Variants in SHOC2 observed in about 807,000 individuals in gnomAD.
SHOC2 encodes leucine-rich repeat protein SHOC-2.
In SHOC2, 4 loss-of-function variants were observed where a neutral mutation model predicts 50.2. That is an observed-to-expected ratio of 0.08 (90% CI 0.04 to 0.18). SHOC2 has a LOEUF of 0.18. SHOC2 is among the 10% of genes least tolerant of loss of function. The pLI is 1.00. For missense variants in SHOC2, 388 were observed against 669.6 expected, an observed-to-expected ratio of 0.58 and a Z score of 4.64; for synonymous variants, 218 against 244.5, an observed-to-expected ratio of 0.89 and a Z score of 1.01.
intron 7 of SHOC2, 97 bp from the exon 8 acceptor site, chr10:111,009,616 C>T: frequency 2.3e-6 from 2 of 864,280 alleles, no homozygotes; most frequent in South Asian, 2.9e-5. Flanking sequence ...TCTGGTTTCC[C>T]TGTTAATTTA....
chr10:110,972,904 A>G (rs995214339), intron 2 of SHOC2, among the ~76,000 whole-genome samples: 4 of 152,186 alleles, frequency 2.6e-5, no homozygotes, highest in African/African-American at 9.7e-5. Context: ...GGATCAAAGG[A>G]GACAGTTTAC....
intron 1 of SHOC2, among the ~76,000 whole-genome samples, chr10:110,921,628 T>G (rs530173344): frequency 6.6e-6 from 1 of 152,302 alleles, no homozygotes; most frequent in African/African-American, 2.4e-5. Flanking sequence ...ATAGTCACAT[T>G]AGAGTAAATG....
chr10:111,004,502 C>T, intron 4 of SHOC2, 104 bp from the exon 5 acceptor site: 2 of 785,750 alleles, frequency 2.5e-6, no homozygotes, highest in Non-Finnish European at 2.2e-6. Flanking sequence ...TGTCATTTGT[C>T]ACCCCCCAAA....
chr10:110,998,379 A>G (rs548548902), intron 3 of SHOC2, among the ~76,000 whole-genome samples: 5 of 148,372 alleles, frequency 3.4e-5, no homozygotes, highest in African/African-American at 7.4e-5. Context: ...AAGTCACTCA[A>G]TTTTTTTTTT....
rs1407334046 is a variant in SHOC2 at position 110,964,855 on chromosome 10, A to G, written c.497A>G (p.Asp166Gly). ...NSLTSLPDSL[D>G]NLKKLRMLDL... ...CTTACCAGTTTGCCTGACTCTCTTG[A>G]TAACTTGAAGAAGCTGCGGATGCTT... is the stretch of plus-strand genomic sequence containing the variant. Residue 166 changes from aspartate (D) to glycine (G), a missense_variant, in exon 2 of 9, where the codon GAT becomes GGT. Transcript: ENST00000369452. This position sits in a 1 kb window ranked among gnomAD's most constrained non-coding sequence, Gnocchi z 4.9. 1.9e-6 allele frequency: 3 copies of G among 1,614,076 alleles called. No homozygotes were observed. The South Asian group carries it at 3.3e-5, about 18-fold the overall frequency.
At chr10:110,941,406 A>G (rs917023107) in intron 1 of SHOC2, among the ~76,000 whole-genome samples, 12 of 151,954 alleles carry the variant, frequency 7.9e-5, no homozygotes, top group Non-Finnish European at 1.0e-4. Flanking sequence ...ATCTTGGCTC[A>G]CTGCAACCTC....
intron 1 of SHOC2, among the ~76,000 whole-genome samples, chr10:110,942,881 C>T (rs932872332): frequency 1.3e-5 from 2 of 152,196 alleles, no homozygotes; most frequent in Admixed American, 6.5e-5. Flanking sequence ...AGTATGTCCT[C>T]CCACTGCCTT....
intron 3 of SHOC2, among the ~76,000 whole-genome samples, chr10:110,993,524 C>T (rs902943336): frequency 6.6e-5 from 10 of 152,114 alleles, no homozygotes; most frequent in African/African-American, 1.7e-4. Context: ...AGCCTATTCT[C>T]ATAGATTACA....
At chr10:110,945,672 T>G (rs1322466961) in intron 1 of SHOC2, among the ~76,000 whole-genome samples, 7 of 152,142 alleles carry the variant, frequency 4.6e-5, no homozygotes, top group Admixed American at 4.6e-4. Flanking sequence ...TGACTCTCCC[T>G]ATCTCCACCC....
At chr10:110,947,814 T>G (rs149452299) in intron 1 of SHOC2, among the ~76,000 whole-genome samples, 94 of 142,484 alleles carry the variant, frequency 6.6e-4, no homozygotes, top group African/African-American at 2.4e-3. Context: ...TAAGAGAAGA[T>G]GAAAGAAATA....
At chr10:110,977,328 C>T (rs1340546339) in intron 2 of SHOC2, among the ~76,000 whole-genome samples, 4 of 151,754 alleles carry the variant, frequency 2.6e-5, no homozygotes, top group Non-Finnish European at 4.4e-5. Flanking sequence ...CTCGGCCCAC[C>T]GCAGTCTCTG....
At chr10:110,950,782 A>C (rs191528585) in intron 1 of SHOC2, among the ~76,000 whole-genome samples, 86 of 152,318 alleles carry the variant, frequency 5.6e-4, no homozygotes, top group African/African-American at 2.1e-3. Context: ...TCTTCAATAA[A>C]TGGTGTTGGA....
chr10:111,004,250 A>G (rs1468975624), intron 4 of SHOC2, among the ~76,000 whole-genome samples: 1 of 152,226 alleles, frequency 6.6e-6, no homozygotes, highest in African/African-American at 2.4e-5. Context: ...AGTTTCTGCA[A>G]TGTAGAAGTT....
chr10:110,936,064 A>G (rs1394869155), intron 1 of SHOC2, among the ~76,000 whole-genome samples: 2 of 149,676 alleles, frequency 1.3e-5, no homozygotes, highest in African/African-American at 4.9e-5. Flanking sequence ...CTGGGGGTAA[A>G]TTCTTGAGTA....
At chr10:110,954,108 T>C (rs977216895) in intron 1 of SHOC2, among the ~76,000 whole-genome samples, 1 of 151,580 alleles carries the variant, frequency 6.6e-6, no homozygotes. Flanking sequence ...ATTGTTTTTG[T>C]GTATAATTTA....
At chr10:110,990,780 CACA>C (rs1848171780) in intron 3 of SHOC2, among the ~76,000 whole-genome samples, 1 of 151,746 alleles carries the variant, frequency 6.6e-6, no homozygotes, top group South Asian at 2.1e-4. Flanking sequence ...CAAAAAAAAA[CACA>C]ACAAAATGTT....
At chr10:110,929,650 A>G (rs753260396) in intron 1 of SHOC2, among the ~76,000 whole-genome samples, 2 of 152,182 alleles carry the variant, frequency 1.3e-5, no homozygotes, top group Non-Finnish European at 2.9e-5. Flanking sequence ...CTGTATCTTC[A>G]GTTGGCAGAA....
intron 8 of SHOC2, among the ~76,000 whole-genome samples, chr10:111,010,600 G>A (rs1167681650): frequency 6.6e-6 from 1 of 152,116 alleles, no homozygotes; most frequent in East Asian, 1.9e-4. Flanking sequence ...GTTAACGGGT[G>A]CAGCACACCA....
At chr10:110,940,428 G>T (rs189421775) in intron 1 of SHOC2, among the ~76,000 whole-genome samples, 9 of 152,240 alleles carry the variant, frequency 5.9e-5, no homozygotes, top group Admixed American at 3.9e-4. Context: ...TTAGGGTTAG[G>T]TTCAAAAGTC....
Sources: gnomAD v4.1 joint callset for allele counts (sites outside exome capture counted in the v4.1 genomes callset) on GRCh38, gnomAD v4.1.1 for gene constraint, Gnocchi (gnomAD v3.1) non-coding constraint, MANE v1.5 for transcripts, NCBI Gene and HGNC (gene_info 2026-07-23, HGNC 2026-07-21) for gene names.